ARHGAP6: variants seen among roughly 807,000 people sequenced by gnomAD.
ARHGAP6 encodes the protein rho GTPase-activating protein 6.
ARHGAP6 carries 16 observed loss-of-function variants against 55.7 expected under a neutral mutation model. The observed-to-expected ratio is 0.29, with a 90% confidence interval of 0.19 to 0.44. The LOEUF (loss-of-function observed/expected upper bound fraction) is 0.44. Ranked by LOEUF, ARHGAP6 falls within the 20% of genes least tolerant of loss-of-function variation. The pLI, the probability that ARHGAP6 is intolerant of heterozygous loss-of-function variation, is 1.00. For synonymous variants in ARHGAP6, 382 were observed against 360.9 expected (o/e 1.06, Z -0.66); for missense variants, 698 against 808.9 (o/e 0.86, Z 1.66).
chrX:11,335,699 T>A, intron 1 of ARHGAP6: 1 of 323,287 alleles, frequency 3.1e-6, no homozygotes, highest in South Asian at 3.1e-5. Flanking sequence ...TCTCTTATTG[T>A]CCCGGTAGGC....
At chrX:11,418,116 C>T (rs2049777182) in intron 1 of ARHGAP6, among the ~76,000 whole-genome samples, 1 of 111,850 alleles carries the variant, frequency 8.9e-6, no homozygotes, top group African/African-American at 3.3e-5. Context: ...ACAATATAGT[C>T]CCTGGTTCTG....
At chrX:11,483,750 T>G (rs1422603779) in intron 1 of ARHGAP6, among the ~76,000 whole-genome samples, 2 of 111,507 alleles carry the variant, frequency 1.8e-5, no homozygotes, top group Non-Finnish European at 3.8e-5. Flanking sequence ...CCCATGAAAC[T>G]GGTTAATAAA....
chrX:11,183,309 C>T (rs1167352283), intron 5 of ARHGAP6, among the ~76,000 whole-genome samples: 1 of 111,339 alleles, frequency 9.0e-6, no homozygotes, highest in Non-Finnish European at 1.9e-5. Flanking sequence ...TGCACAGGTC[C>T]CCAAAATATA....
At chrX:11,304,414 C>A (rs1306852356) in intron 1 of ARHGAP6, among the ~76,000 whole-genome samples, 1 of 111,138 alleles carries the variant, frequency 9.0e-6, no homozygotes, top group East Asian at 2.8e-4. Context: ...ATCAGTGCAT[C>A]ACTCTGACAG....
At chrX:11,279,955 T>C (rs2047833078) in intron 1 of ARHGAP6, among the ~76,000 whole-genome samples, 1 of 111,553 alleles carries the variant, frequency 9.0e-6, no homozygotes, top group Non-Finnish European at 1.9e-5. Flanking sequence ...AGTCCTCTAC[T>C]GGGGTGATTC....
chrX:11,331,092 C>G (rs750790946), intron 1 of ARHGAP6, among the ~76,000 whole-genome samples: 1 of 111,787 alleles, frequency 8.9e-6, no homozygotes, highest in African/African-American at 3.2e-5. Context: ...AAATCAGAAC[C>G]CCTTTTCCTG....
At chrX:11,635,685 A>G (rs1048171255) in intron 1 of ARHGAP6, among the ~76,000 whole-genome samples, 48 of 111,358 alleles carry the variant, frequency 4.3e-4, no homozygotes, top group Non-Finnish European at 4.5e-4. Flanking sequence ...AAGATTATAA[A>G]CCCAGAAGAA....
intron 9 of ARHGAP6, among the ~76,000 whole-genome samples, chrX:11,167,142 C>T (rs142396980): frequency 0.011 from 1,243 of 111,890 alleles, 9 homozygotes; most frequent in Non-Finnish European, 0.018. Context: ...TTATTGTGTT[C>T]CTACCATGTC....
intron 1 of ARHGAP6, among the ~76,000 whole-genome samples, chrX:11,558,745 A>C (rs1270364568): frequency 1.0e-5 from 1 of 99,723 alleles, no homozygotes; most frequent in Non-Finnish European, 2.0e-5. Flanking sequence ...CTGAGGCAGG[A>C]GAATCTCTTG....
At chrX:11,190,250 C>T (rs1373628740) in intron 3 of ARHGAP6, among the ~76,000 whole-genome samples, 3 of 110,979 alleles carry the variant, frequency 2.7e-5, no homozygotes, top group East Asian at 2.8e-4. Context: ...TTTAGTATTT[C>T]GGGATTTTCA....
At chrX:11,153,813 T>C (rs2147282560) in intron 10 of ARHGAP6, among the ~76,000 whole-genome samples, 1 of 111,100 alleles carries the variant, frequency 9.0e-6, no homozygotes, top group African/African-American at 3.3e-5. Context: ...ATTCTTCTTT[T>C]TATTTTATTA....
chrX:11,222,047 T>A (rs2046468901), intron 2 of ARHGAP6, among the ~76,000 whole-genome samples: 1 of 111,801 alleles, frequency 8.9e-6, no homozygotes, highest in African/African-American at 3.2e-5. Context: ...AAAATTGAAT[T>A]CTCTAAAATG....
chrX:11,361,791 CACAA>C (rs2049014799), intron 1 of ARHGAP6, among the ~76,000 whole-genome samples: 1 of 111,266 alleles, frequency 9.0e-6, no homozygotes, highest in Non-Finnish European at 1.9e-5. Flanking sequence ...CTACAATGAA[CACAA>C]ACAAATTTAC....
rs949483323 is a variant in ARHGAP6, at chrX:11,345,694, C to A, written c.589-90987G>T. On this transcript the variant is annotated intron_variant, in intron 1 of 12. Coordinates refer to ENST00000337414, the MANE Select transcript of ARHGAP6 (RefSeq NM_013427.3). The stretch of plus-strand genomic sequence containing the variant: ...TGTCTACCTCAGTTTATATTGCCAC[C>A]TTACGCAGGCAGGGCACGTTAGCCT... Among the ~76,000 whole-genome samples the A allele has an allele frequency of 3.2e-4, 36 of 112,000 alleles. 1 individual carries two copies. Among genetic ancestry groups the A allele is most frequent in the Admixed American group, 2.7e-3 (29 of 10,555 alleles).
intron 2 of ARHGAP6, among the ~76,000 whole-genome samples, chrX:11,221,667 T>C (rs1425572782): frequency 2.7e-5 from 3 of 112,107 alleles, no homozygotes; most frequent in African/African-American, 6.5e-5. Context: ...GAAACAGCTC[T>C]ATTCGTTCCT....
At chrX:11,323,193 C>T (rs996008005) in intron 1 of ARHGAP6, among the ~76,000 whole-genome samples, 3 of 112,384 alleles carry the variant, frequency 2.7e-5, no homozygotes, top group Non-Finnish European at 5.6e-5. Context: ...GTCCTTAAAA[C>T]TTATCTTAGT....
chrX:11,572,269 C>T (rs5979415), intron 1 of ARHGAP6, among the ~76,000 whole-genome samples: 15,580 of 109,075 alleles, frequency 0.14, 1,119 homozygotes, highest in Middle Eastern at 0.24. Flanking sequence ...ACATGTGCCA[C>T]GCTGGTGTGC....
intron 1 of ARHGAP6, among the ~76,000 whole-genome samples, chrX:11,326,418 G>A (rs2048499819): frequency 9.0e-6 from 1 of 110,939 alleles, no homozygotes; most frequent in Non-Finnish European, 1.9e-5. Context: ...GTGAGCCATC[G>A]CGCCCAGCTG....
At chrX:11,526,709 C>T (rs779523288) in intron 1 of ARHGAP6, among the ~76,000 whole-genome samples, 2 of 111,943 alleles carry the variant, frequency 1.8e-5, no homozygotes, top group Admixed American at 9.5e-5. Flanking sequence ...TTTGCACACT[C>T]AACATCATTT....
Sources: allele counts gnomAD v4.1 joint callset (sites outside exome capture counted in the v4.1 genomes callset), GRCh38; gene constraint gnomAD v4.1.1; transcripts MANE v1.5; gene names NCBI Gene and HGNC (gene_info 2026-07-23, HGNC 2026-07-21).